The following F5 variants were observed in gnomAD, a reference collection of about 807,000 sequenced individuals.
The protein encoded by F5 is coagulation factor V.
F5 carries 138 observed loss-of-function variants against 216.4 expected under a neutral mutation model. That is an observed-to-expected ratio of 0.64 (90% confidence interval 0.56 to 0.73). F5 has a LOEUF of 0.73. Among genes scored for constraint, F5 ranks in the 30% least tolerant of loss-of-function variants. The pLI, the probability that F5 is intolerant of heterozygous loss-of-function variation, is 0.00. For missense variants in F5, 2,403 were observed against 2,674.0 expected (o/e 0.90, Z 2.24); for synonymous variants, 916 against 930.7 (o/e 0.98, Z 0.29).
chr1:169,560,880 A>G, intron 3 of F5, 114 bp from the exon 4 acceptor site: 1 of 849,590 alleles, frequency 1.2e-6, no homozygotes, highest in Non-Finnish European at 2.0e-6. Flanking sequence ...TATGTCCTTC[A>G]ATAGTGAACT....
At chr1:169,529,480 G>A (rs910947797) in intron 16 of F5, 128 bp downstream of exon 16, 25 of 849,772 alleles carry the variant, frequency 2.9e-5, no homozygotes, top group Middle Eastern at 3.5e-4. Flanking sequence ...TTAAGGAACC[G>A]GTTTTAGTTG....
In F5 at chr1:169,556,668, A is replaced by C; in HGVS notation, c.930T>G (p.Ser310=). The C allele has an allele frequency of 6.2e-7, 1 of 1,613,936 alleles. No individual in the cohort carries two copies. Among genetic ancestry groups the C allele is most frequent in the Non-Finnish European group, 8.5e-7 (1 of 1,179,956 alleles). ...TGCCTTGCAAATGTTTTGGGGTGAG[A>C]GAAGATATGATCCACTTTCCCTCTG... is the stretch of plus-strand genomic sequence containing the variant. ...VGPEGKWIIS[S]LTPKHLQAGM... is the part of the protein sequence containing the mutation. The change falls in exon 6 of 25, where the codon TCT becomes TCG. Residue 310 remains serine (S), a synonymous_variant. Coordinates refer to ENST00000367797, the MANE Select transcript of F5 (RefSeq NM_000130.5).
At chr1:169,575,470 G>C (rs1471569113) in intron 2 of F5, among the ~76,000 whole-genome samples, 1 of 151,994 alleles carries the variant, frequency 6.6e-6, no homozygotes, top group Admixed American at 6.6e-5. Context: ...ACCAGATTTT[G>C]GTTTTAAAAT....
rs1660320210 is a variant in F5, at chr1:169,556,174, C to T, written c.952+472G>A. ...TATGCCATGTATGATCCATTCAACA[C>T]ACATTCATTGAGTTCCTCTCTGTGC... On this transcript the variant is annotated intron_variant, in intron 6 of 24. Transcript: ENST00000367797. Among the ~76,000 whole-genome samples the T allele has an allele frequency of 2.0e-5, 3 of 152,108 alleles. 1 individual carries two copies. In the South Asian group the frequency reaches 6.2e-4, roughly 31 times the overall value.
At chr1:169,558,853 G>A (rs371824149) in intron 5 of F5, among the ~76,000 whole-genome samples, 21 of 152,120 alleles carry the variant, frequency 1.4e-4, no homozygotes, top group African/African-American at 4.8e-4. Flanking sequence ...TCATCATATA[G>A]AGGAACTGCA....
Position 169,544,358 on chromosome 1 carries a change from T to G in F5, c.1913A>C (p.Glu638Ala). The change falls in exon 12 of 25, where the codon GAG becomes GCG. Residue 638 changes from glutamate (E) to alanine (A), a missense_variant. Transcript: ENST00000367797. ...GHSFIYGKRH[E>A]DTLTLFPMRG... ...CATGGGGAAGAGGGTCAAGGTGTCC[T>G]CATGCCTCTTTCCATAGATGAATGA... is the stretch of plus-strand genomic sequence containing the variant. The G allele has an allele frequency of 1.2e-6, 2 of 1,614,148 alleles. No individual in the cohort carries two copies. Among genetic ancestry groups the G allele is most frequent in the Non-Finnish European group, 1.7e-6 (2 of 1,180,000 alleles).
At position 169,514,170 on chromosome 1, in the gene F5, T is replaced by A. The variant is rs1377802229; in HGVS notation, c.*143A>T. 1.2e-6 allele frequency: 1 copy of A among 803,550 alleles called. No homozygotes were observed. Among genetic ancestry groups the A allele is most frequent in the East Asian group, 2.6e-5 (1 of 37,794 alleles). 49.8% of individuals were successfully genotyped at this position (803,550 alleles called of 1,614,324 possible). A position where few individuals can be genotyped will look rare whatever the true frequency, so the allele number is the denominator to read the frequency against. Reference sequence around the variant, plus strand: ...AAGGAGTTACATTATAAAAGCTTCTTGTATAAAATTTTATTCACTAATAGA... The same window carrying A: ...AAGGAGTTACATTATAAAAGCTTCTAGTATAAAATTTTATTCACTAATAGA... On this transcript the variant is annotated 3_prime_UTR_variant, in exon 25 of 25. Coordinates refer to ENST00000367797, the MANE Select transcript of F5 (RefSeq NM_000130.5).
chr1:169,579,346 G>A (rs866088820), intron 2 of F5, among the ~76,000 whole-genome samples: 1 of 152,056 alleles, frequency 6.6e-6, no homozygotes, highest in African/African-American at 2.4e-5. Context: ...GGACTTTGCT[G>A]CTACTTTGAG....
At chr1:169,526,797 T>C (rs1328710726) in intron 17 of F5, among the ~76,000 whole-genome samples, 1 of 152,066 alleles carries the variant, frequency 6.6e-6, no homozygotes, top group Non-Finnish European at 1.5e-5. Flanking sequence ...TTCTAATACT[T>C]GATGAAAAGA....
intron 3 of F5, among the ~76,000 whole-genome samples, chr1:169,568,774 T>A (rs1660664684): frequency 6.6e-6 from 1 of 152,150 alleles, no homozygotes; most frequent in Non-Finnish European, 1.5e-5. Context: ...GCTCTCAGTA[T>A]TTTTTAAAAA....
At chr1:169,544,197 A>T in intron 12 of F5, 99 bp downstream of exon 12, 1 of 940,744 alleles carries the variant, frequency 1.1e-6, no homozygotes, top group Non-Finnish European at 1.7e-6. Context: ...TCAGGGAGAT[A>T]CATAGAGGAG....
chr1:169,572,366 T>A, intron 2 of F5, 23 bp from the exon 3 acceptor site: 1 of 1,612,172 alleles, frequency 6.2e-7, no homozygotes, highest in South Asian at 1.1e-5. Context: ...ATATTTAAAC[T>A]ATGTCTGTAT....
intron 1 of F5, among the ~76,000 whole-genome samples, chr1:169,585,699 A>G (rs115180393): frequency 0.012 from 1,831 of 152,344 alleles, 31 homozygotes; most frequent in African/African-American, 0.035. Flanking sequence ...GTACAAAAAC[A>G]TACAAGAACT....
chr1:169,516,621 T>A (rs2420369), intron 23 of F5, among the ~76,000 whole-genome samples: 75,050 of 152,042 alleles, frequency 0.49, 19,007 homozygotes, highest in East Asian at 0.67. Context: ...TATCTTAGTG[T>A]GTCTTCATAT....
At chr1:169,556,566 G>T in intron 6 of F5, 80 bp downstream of exon 6, 1 of 1,398,864 alleles carries the variant, frequency 7.1e-7, no homozygotes, top group Non-Finnish European at 1.0e-6. Context: ...GCTTGAAAGG[G>T]CAAGGGAGAA....
chr1:169,522,391 T>C (rs972335764), intron 21 of F5, among the ~76,000 whole-genome samples: 6 of 152,138 alleles, frequency 3.9e-5, no homozygotes, highest in African/African-American at 1.4e-4. Flanking sequence ...TATATACCAA[T>C]ATCCTCTCAT....
intron 10 of F5, among the ~76,000 whole-genome samples, chr1:169,549,118 T>A (rs1660094686): frequency 6.6e-6 from 1 of 152,208 alleles, no homozygotes; most frequent in South Asian, 2.1e-4. Flanking sequence ...CTGCTTTTTC[T>A]AGGCATATGT....
chr1:169,549,655 T>G, intron 10 of F5, 146 bp downstream of exon 10: 1 of 631,484 alleles, frequency 1.6e-6, no homozygotes, highest in Non-Finnish European at 2.8e-6. Flanking sequence ...AAAGAATAAA[T>G]GTTATCACAC....
intron 11 of F5, among the ~76,000 whole-genome samples, chr1:169,545,175 A>G (rs1377354882): frequency 6.6e-6 from 1 of 152,200 alleles, no homozygotes; most frequent in Non-Finnish European, 1.5e-5. Context: ...ATATTTAAAT[A>G]CCTACTTAAA....
Sources: allele counts gnomAD v4.1 joint callset (sites outside exome capture counted in the v4.1 genomes callset), GRCh38; gene constraint gnomAD v4.1.1; transcripts MANE v1.5; gene names NCBI Gene and HGNC (gene_info 2026-07-23, HGNC 2026-07-21).